The following PRTFDC1 variants were observed in gnomAD, a reference collection of about 807,000 sequenced individuals.
The protein encoded by PRTFDC1 is phosphoribosyl transferase domain containing 1, also known as phosphoribosyltransferase domain-containing protein 1.
In PRTFDC1, 38 loss-of-function variants were observed where a neutral mutation model predicts 34.6. That is an observed-to-expected ratio of 1.10 (90% CI 0.85 to 1.44). The LOEUF is 1.44. Among genes scored for constraint, PRTFDC1 ranks in the 40% most tolerant of loss-of-function variants. PRTFDC1 has a pLI of 0.00. For missense variants in PRTFDC1, 270 were observed against 283.0 expected, an observed-to-expected ratio of 0.95 and a Z score of 0.33; for synonymous variants, 93 against 98.1, an observed-to-expected ratio of 0.95 and a Z score of 0.31.
intron 3 of PRTFDC1, among the ~76,000 whole-genome samples, chr10:24,920,581 G>C (rs1848773166): frequency 6.6e-6 from 1 of 152,056 alleles, no homozygotes; most frequent in Non-Finnish European, 1.5e-5. Flanking sequence ...AACACATGTG[G>C]GGCTTAATAC....
intron 3 of PRTFDC1, among the ~76,000 whole-genome samples, chr10:24,909,563 T>A (rs1310348325): frequency 6.6e-6 from 1 of 152,208 alleles, no homozygotes; most frequent in East Asian, 1.9e-4. Context: ...AATGGATGAA[T>A]TTTAAAATAT....
rs1412889804 is a variant in PRTFDC1 at position 24,951,182 on chromosome 10, C to T, written c.48+1346G>A. ...CTTCAGATCTTGGCTCAAAGGTCAC[C>T]GCAGAGAGGCTGCCCTGACCACCTG... On this transcript the variant is annotated intron_variant, in intron 1 of 8. Coordinates refer to ENST00000320152, the MANE Select transcript of PRTFDC1 (RefSeq NM_020200.7). 1.2e-4 allele frequency among the ~76,000 whole-genome samples: 19 copies of T among 152,204 alleles called. No homozygotes were observed. In the East Asian group the frequency reaches 3.3e-3, roughly 26 times the overall value.
chr10:24,902,056 G>A (rs1340170411), intron 3 of PRTFDC1, among the ~76,000 whole-genome samples: 1 of 152,184 alleles, frequency 6.6e-6, no homozygotes, highest in Non-Finnish European at 1.5e-5. Flanking sequence ...GACGATCCCT[G>A]CACAGCTGCA....
At chr10:24,897,168 C>A (rs1044232189) in intron 3 of PRTFDC1, among the ~76,000 whole-genome samples, 1 of 152,068 alleles carries the variant, frequency 6.6e-6, no homozygotes, top group African/African-American at 2.4e-5. Context: ...AATTATGAAG[C>A]CACTATACTC....
intron 4 of PRTFDC1, among the ~76,000 whole-genome samples, chr10:24,859,487 C>G (rs919467484): frequency 1.3e-5 from 2 of 152,144 alleles, no homozygotes; most frequent in Non-Finnish European, 2.9e-5. Flanking sequence ...CTCAAGTGAT[C>G]TGCCCTCCTT....
chr10:24,932,118 T>C (rs1157390701), intron 3 of PRTFDC1, among the ~76,000 whole-genome samples: 1 of 151,976 alleles, frequency 6.6e-6, no homozygotes. Flanking sequence ...ACTGATGATA[T>C]TCATTCATAA....
chr10:24,880,855 C>CTTTCTTTCTT (rs1848063952), intron 3 of PRTFDC1, among the ~76,000 whole-genome samples: 2 of 149,128 alleles, frequency 1.3e-5, no homozygotes, highest in Non-Finnish European at 3.0e-5. Context: ...TTCTTTCTTT[C>CTTTCTTTCTT]TTTCTTTCTT....
intron 3 of PRTFDC1, among the ~76,000 whole-genome samples, chr10:24,874,519 A>G (rs1444082912): frequency 6.6e-6 from 1 of 152,182 alleles, no homozygotes; most frequent in African/African-American, 2.4e-5. Flanking sequence ...CAACTACTAA[A>G]CTACAAAGTT....
At chr10:24,859,785 G>C (rs1588574004) in intron 4 of PRTFDC1, among the ~76,000 whole-genome samples, 1 of 152,162 alleles carries the variant, frequency 6.6e-6, no homozygotes, top group Non-Finnish European at 1.5e-5. Context: ...ATCTCCATGA[G>C]GTTGGGATCA....
Position 24,853,595 on chromosome 10 carries a change from C to T in PRTFDC1, c.553+1723G>A, listed in dbSNP as rs150156697. On this transcript the variant is annotated intron_variant, in intron 7 of 8. Transcript: ENST00000320152. ...TGCACTGGGCGACAGAGTCAGATTC[C>T]GTCTCAAATAATAATAATAATAATA... Among the ~76,000 whole-genome samples the T allele has an allele frequency of 1.6e-4, 24 of 152,082 alleles. No individual in the cohort carries two copies. In the East Asian group the frequency reaches 3.5e-3, roughly 22 times the overall value.
At chr10:24,883,229 C>T (rs1165508152) in intron 3 of PRTFDC1, among the ~76,000 whole-genome samples, 1 of 151,786 alleles carries the variant, frequency 6.6e-6, no homozygotes, top group Non-Finnish European at 1.5e-5. Flanking sequence ...GTGCTTAACT[C>T]TCCAAACATG....
chr10:24,856,846 G>T, intron 6 of PRTFDC1, 67 bp downstream of exon 6: 16 of 1,342,702 alleles, frequency 1.2e-5, no homozygotes, highest in Non-Finnish European at 1.5e-5. Context: ...AGAGCATCCT[G>T]TGTTAGCATC....
rs559381052 is a variant in PRTFDC1 at position 24,932,143 on chromosome 10, AT to A, written c.339+5040del. Among the ~76,000 whole-genome samples the A allele has an allele frequency of 2.6e-3, 391 of 152,056 alleles. 1 individual carries two copies. The highest frequency in any genetic ancestry group is 8.2e-3 in the African/African-American group (340 of 41,554). ...TTCATTCATAATTTTTTAAGAAAAT[AT>A]GAAAAAACCTCTTGCAAAACTAGGA... On this transcript the variant is annotated intron_variant, in intron 3 of 8. Coordinates refer to ENST00000320152, the MANE Select transcript of PRTFDC1 (RefSeq NM_020200.7).
Position 24,865,134 on chromosome 10 carries a change from A to G in PRTFDC1, c.406-6725T>C, listed in dbSNP as rs977369919. Among the ~76,000 whole-genome samples the G allele has an allele frequency of 3.9e-5, 6 of 152,098 alleles. No individual in the cohort carries two copies. The East Asian group carries it at 9.7e-4, about 25-fold the overall frequency. ...CTGTCTCAACAAAACAAAACAAAAC[A>G]AACGAACAAAAATACATAACATGGA... On this transcript the variant is annotated intron_variant, in intron 4 of 8. Coordinates refer to ENST00000320152, the MANE Select transcript of PRTFDC1 (RefSeq NM_020200.7).
At chr10:24,853,488 G>A (rs768570289) in intron 7 of PRTFDC1, among the ~76,000 whole-genome samples, 17 of 152,120 alleles carry the variant, frequency 1.1e-4, no homozygotes, top group South Asian at 8.3e-4. Flanking sequence ...GGTACCTGTA[G>A]TCCCAGCTAC....
chr10:24,880,859 CTTT>C (rs1382624214), intron 3 of PRTFDC1, among the ~76,000 whole-genome samples: 2 of 147,976 alleles, frequency 1.4e-5, no homozygotes, highest in Admixed American at 6.8e-5. Context: ...TTCTTTCTTT[CTTT>C]CTTTCTTTCT....
In PRTFDC1 at chr10:24,919,717, T is replaced by G. The variant is rs546574307; in HGVS notation, c.339+17467A>C. 4.6e-5 allele frequency among the ~76,000 whole-genome samples: 7 copies of G among 151,788 alleles called. No individual in the cohort carries two copies. The East Asian group carries it at 1.4e-3, about 29-fold the overall frequency. On this transcript the variant is annotated intron_variant, in intron 3 of 8. Coordinates refer to ENST00000320152, the MANE Select transcript of PRTFDC1 (RefSeq NM_020200.7). ...AGACAACTTATAGATGGGAGAAAAT[T>G]TTTGCAATCTATGCATCTGACAAAG... is the stretch of plus-strand genomic sequence containing the variant.
intron 3 of PRTFDC1, among the ~76,000 whole-genome samples, chr10:24,925,684 A>AGT (rs10643645): frequency 0.18 from 26,804 of 152,054 alleles, 3,351 homozygotes; most frequent in African/African-American, 0.36. Context: ...TGTTGTGATT[A>AGT]ATACTAATAA....
chr10:24,887,783 G>A (rs1277185357), intron 3 of PRTFDC1, among the ~76,000 whole-genome samples: 2 of 152,042 alleles, frequency 1.3e-5, no homozygotes, highest in Non-Finnish European at 2.9e-5. Flanking sequence ...CACCACAACT[G>A]TAGGCCAGAA....
Sources: allele counts gnomAD v4.1 joint callset (sites outside exome capture counted in the v4.1 genomes callset), GRCh38; gene constraint gnomAD v4.1.1; transcripts MANE v1.5; gene names NCBI Gene and HGNC (gene_info 2026-07-23, HGNC 2026-07-21).